The following ZNF518A variants were observed in gnomAD, a reference collection of about 807,000 sequenced individuals.
ZNF518A encodes the protein zinc finger protein 518.
ZNF518A carries 47 observed loss-of-function variants against 102.7 expected under a neutral mutation model. That is an observed-to-expected ratio of 0.46 (90% confidence interval 0.36 to 0.58). ZNF518A has a LOEUF of 0.58. Ranked by LOEUF, ZNF518A falls within the 20% of genes least tolerant of loss-of-function variation. The pLI, the probability that ZNF518A is intolerant of heterozygous loss-of-function variation, is 0.00. For missense variants in ZNF518A, 1,793 were observed against 1,699.8 expected, an observed-to-expected ratio of 1.05 and a Z score of -0.96; for synonymous variants, 652 against 594.6, an observed-to-expected ratio of 1.10 and a Z score of -1.40.
At chr10:96,177,964 TA>T (rs1554891670) in intron 1 of ZNF518A, among the ~76,000 whole-genome samples, 1 of 152,096 alleles carries the variant, frequency 6.6e-6, no homozygotes, top group African/African-American at 2.4e-5. Context: ...CCAAAGCTTC[TA>T]AATACATGAA....
chr10:96,198,924 C>A (rs1355020844), intron 1 of ZNF518A, among the ~76,000 whole-genome samples: 3 of 152,196 alleles, frequency 2.0e-5, no homozygotes, highest in Non-Finnish European at 2.9e-5. Flanking sequence ...GTCTCAAACT[C>A]CTGACCTCAA....
At chr10:96,130,846 C>G (rs587763492) in intron 1 of ZNF518A, 94 bp downstream of exon 1, 2 of 152,212 alleles carry the variant, frequency 1.3e-5, no homozygotes, top group African/African-American at 4.8e-5. Flanking sequence ...TGACTCTATT[C>G]GTTACATGGT....
downstream of ZNF518A, among the ~76,000 whole-genome samples, chr10:96,164,719 T>A (rs945680155): frequency 1.3e-5 from 2 of 152,214 alleles, no homozygotes; most frequent in African/African-American, 4.8e-5. Flanking sequence ...GGAAAAAATA[T>A]AATGTACATC....
At chr10:96,184,440 T>C (rs1432669799) in intron 1 of ZNF518A, among the ~76,000 whole-genome samples, 2 of 152,186 alleles carry the variant, frequency 1.3e-5, no homozygotes, top group Admixed American at 6.5e-5. Context: ...TGGCTGGTAT[T>C]GGTTGTTCCT....
chr10:96,197,940 A>G (rs1554895126), intron 1 of ZNF518A, among the ~76,000 whole-genome samples: 1 of 151,192 alleles, frequency 6.6e-6, no homozygotes, highest in Non-Finnish European at 1.5e-5. Flanking sequence ...AAAAAGAAAA[A>G]GAAAAAAAAA....
chr10:96,145,218 C>A (rs191427307), intron 3 of ZNF518A, among the ~76,000 whole-genome samples: 1 of 152,148 alleles, frequency 6.6e-6, no homozygotes, highest in East Asian at 1.9e-4. Flanking sequence ...TACAGACATG[C>A]GCTACCACAC....
intron 3 of ZNF518A, among the ~76,000 whole-genome samples, chr10:96,153,703 A>G (rs782463043): frequency 6.6e-6 from 1 of 152,218 alleles, no homozygotes; most frequent in Non-Finnish European, 1.5e-5. Flanking sequence ...AAATGTTCCC[A>G]ATGAAGCTTT....
rs2082961710 is a variant in ZNF518A, at chr10:96,160,657, G to C, written c.4335G>C (p.Leu1445Phe). The C allele has an allele frequency of 1.2e-6, 2 of 1,613,044 alleles. No individual in the cohort carries two copies. Among genetic ancestry groups the C allele is most frequent in the South Asian group, 2.2e-5 (2 of 91,026 alleles). ...TGAAGACTACCTCTGAAAATATTTT[G>C]AAGGCTAAATTTAACTGTTGGTTTT... ...QIVKTTSENI[L>F]KAKFNCWFCG... The change falls in exon 6 of 6, where the codon TTG (leucine) becomes TTC (phenylalanine). Residue 1445 changes from leucine to phenylalanine, a missense_variant. Around this residue, in one of 3 missense-constraint regions of ZNF518A, gnomAD observed 30 missense variants for 61.1 expected, o/e 0.49. Coordinates refer to ENST00000316045, the MANE Select transcript of ZNF518A (RefSeq NM_001330736.2).
intron 3 of ZNF518A, among the ~76,000 whole-genome samples, chr10:96,153,566 C>G (rs782547300): frequency 6.6e-6 from 1 of 152,168 alleles, no homozygotes; most frequent in Non-Finnish European, 1.5e-5. Context: ...ATATGCCATA[C>G]ATTAAATACA....
At position 96,157,153 on chromosome 10, in the gene ZNF518A, T is replaced by C. The variant is rs375273925; in HGVS notation, c.831T>C (p.Leu277=). 3.3e-5 allele frequency: 53 copies of C among 1,613,522 alleles called. No individual in the cohort carries two copies. The highest frequency in any genetic ancestry group is 4.2e-5 in the Non-Finnish European group (49 of 1,179,728). ...CSYGATRREH[L]VRHVITLHKE... ...ATGGTGCCACCAGGAGAGAACACCT[T>C]GTAAGACATGTTATAACTTTGCACA... Residue 277 remains leucine, a synonymous_variant, in exon 6 of 6, where the codon CTT becomes CTC. Transcript: ENST00000316045.
intron 1 of ZNF518A, among the ~76,000 whole-genome samples, chr10:96,180,035 C>CGAT (rs2083230264): frequency 6.6e-6 from 1 of 151,838 alleles, no homozygotes; most frequent in Non-Finnish European, 1.5e-5. Flanking sequence ...ACTGCCATCA[C>CGAT]GCCTGGCTGA....
intron 1 of ZNF518A, among the ~76,000 whole-genome samples, chr10:96,177,952 T>A (rs1017943193): frequency 1.3e-5 from 2 of 152,222 alleles, no homozygotes; most frequent in South Asian, 4.1e-4. Context: ...ATGCATATAG[T>A]ACCAAAGCTT....
At chr10:96,178,575 T>A (rs1554891711) in intron 1 of ZNF518A, among the ~76,000 whole-genome samples, 2 of 151,966 alleles carry the variant, frequency 1.3e-5, no homozygotes, top group East Asian at 3.9e-4. Context: ...AAACCTAAAA[T>A]GAGCAGAAGA....
At chr10:96,144,717 G>C (rs2082090675) in intron 3 of ZNF518A, among the ~76,000 whole-genome samples, 1 of 152,000 alleles carries the variant, frequency 6.6e-6, no homozygotes, top group Non-Finnish European at 1.5e-5. Flanking sequence ...CAGTAGTTTG[G>C]TTAGTGAACT....
rs1158904890 is a variant in ZNF518A, at chr10:96,162,835, A to G, written c.*2061A>G. The stretch of plus-strand genomic sequence containing the variant: ...TGTTTTTTCAATGCTAGTTAACTCT[A>G]CAAGATAGATAAAAGTGTGGGATTT... On this transcript the variant is annotated 3_prime_UTR_variant, in exon 6 of 6. Coordinates refer to ENST00000316045, the MANE Select transcript of ZNF518A (RefSeq NM_001330736.2). 6.0e-6 allele frequency: 1 copy of G among 166,964 alleles called. No homozygotes were observed. The highest frequency in any genetic ancestry group is 1.9e-4 in the East Asian group (1 of 5,204). 10.3% of individuals were successfully genotyped at this position (166,964 alleles called of 1,614,324 possible).
downstream of ZNF518A, chr10:96,204,352 T>C (rs1400788199): frequency 3.9e-6 from 3 of 763,202 alleles, no homozygotes; most frequent in Non-Finnish European, 2.2e-6. Context: ...AGTAGGTCTC[T>C]GCAACTCTAC....
At chr10:96,145,374 C>T (rs1157792511) in intron 3 of ZNF518A, among the ~76,000 whole-genome samples, 2 of 152,190 alleles carry the variant, frequency 1.3e-5, no homozygotes, top group Non-Finnish European at 2.9e-5. Context: ...CTGGTCGCAT[C>T]TTTTTATTTA....
At chr10:96,149,188 A>G (rs1564757473) in intron 3 of ZNF518A, among the ~76,000 whole-genome samples, 1 of 152,120 alleles carries the variant, frequency 6.6e-6, no homozygotes, top group Non-Finnish European at 1.5e-5. Context: ...ATAAATGTTT[A>G]TTTTCGGTTT....
At chr10:96,184,945 A>G (rs1413574215) in intron 1 of ZNF518A, among the ~76,000 whole-genome samples, 5 of 152,128 alleles carry the variant, frequency 3.3e-5, no homozygotes, top group Non-Finnish European at 2.9e-5. Flanking sequence ...ACACCAATCA[A>G]ACGTAGATTT....
Sources: gnomAD v4.1 joint callset for allele counts (sites outside exome capture counted in the v4.1 genomes callset) on GRCh38, gnomAD v4.1.1 for gene constraint, gnomAD v4.1.1 regional missense constraint, MANE v1.5 for transcripts, NCBI Gene and HGNC (gene_info 2026-07-23, HGNC 2026-07-21) for gene names.